Variants in DISP1 observed in about 807,000 individuals in gnomAD.
The protein encoded by DISP1 is protein dispatched homolog 1.
DISP1 carries 30 observed loss-of-function variants against 37.3 expected under a neutral mutation model. The observed-to-expected ratio is 0.80, with a 90% CI of 0.60 to 1.09. DISP1 has a LOEUF of 1.09. Among genes scored for constraint, DISP1 ranks in the 50% least tolerant of loss-of-function variants. The probability of loss-of-function intolerance (pLI) is 0.00; values close to 1 mark genes in which losing one functional copy is unlikely to be tolerated. For missense variants in DISP1, 1,598 were observed against 1,879.5 expected (o/e 0.85, Z 2.77); for synonymous variants, 634 against 690.2 (o/e 0.92, Z 1.28).
At chr1:222,910,925 C>G (rs1032230647) in intron 1 of DISP1, among the ~76,000 whole-genome samples, 2 of 152,132 alleles carry the variant, frequency 1.3e-5, no homozygotes, top group African/African-American at 2.4e-5. Context: ...TATTTTGAAC[C>G]TTTTGGAATC....
intron 1 of DISP1, among the ~76,000 whole-genome samples, chr1:222,851,590 TAGAA>T (rs1171128047): frequency 2.6e-5 from 4 of 152,186 alleles, no homozygotes; most frequent in African/African-American, 4.8e-5. Flanking sequence ...ATCATAGTAT[TAGAA>T]AGGAACTTCA....
At position 222,893,606 on chromosome 1, in the gene DISP1, C is replaced by T. The variant is rs578199688; in HGVS notation, c.-158-34824C>T. Among the ~76,000 whole-genome samples, 29 of 152,344 alleles carry T rather than the reference C, an allele frequency of 1.9e-4. No homozygotes were observed. In the South Asian group the frequency reaches 4.8e-3, roughly 25 times the overall value. ...CCGGCACTGACTCCATGGAAGGCTG[C>T]GGCTTGACCAGATGTACTGCATGCA... is the stretch of plus-strand genomic sequence containing the variant. On this transcript the variant is annotated intron_variant, in intron 1 of 8. Transcript: ENST00000675850. The surrounding 1 kb of genome is among the most constrained non-coding windows in gnomAD (Gnocchi z 4.3).
chr1:222,947,880 G>C lies in DISP1; in HGVS notation c.509+4548G>C, dbSNP rs528602524. Among the ~76,000 whole-genome samples, 4 of 152,276 alleles carry C rather than the reference G, an allele frequency of 2.6e-5. No individual in the cohort carries two copies. The South Asian group carries it at 8.3e-4, about 32-fold the overall frequency. ...TTGTAGATAGGAAGAACACTATAAG[G>C]CTTGTTGCAGTAGTTCAAGTGAGAA... On this transcript the variant is annotated intron_variant, in intron 3 of 8. Coordinates refer to ENST00000675850, the MANE Select transcript of DISP1 (RefSeq NM_001377229.1).
In DISP1 at chr1:222,969,370, C is replaced by CAAAAAAAAAAAAAAAAAAAAAAAAAAAAA. The variant is rs71178518; in HGVS notation, c.510-13693_510-13692insAAAAAAAAAAAAAAAAAAAAAAAAAAAAA. On this transcript the variant is annotated intron_variant, in intron 3 of 8. Transcript: ENST00000675850. ...GGGCAAAAAGAGTGAAACTTGGTCT[C>CAAAAAAAAAAAAAAAAAAAAAAAAAAAAA]AAAAAAAAAAAAAAAAATTACAAAG... 5.7e-4 allele frequency among the ~76,000 whole-genome samples: 17 copies of CAAAAAAAAAAAAAAAAAAAAAAAAAAAAA among 29,862 alleles called. 2 individuals are homozygous for CAAAAAAAAAAAAAAAAAAAAAAAAAAAAA. The highest frequency in any genetic ancestry group is 8.4e-4 in the Non-Finnish European group (13 of 15,494). 19.6% of individuals were successfully genotyped at this position (29,862 alleles called of 152,430 possible).
intron 4 of DISP1, among the ~76,000 whole-genome samples, chr1:222,984,369 AC>A (rs1678065383): frequency 7.1e-6 from 1 of 141,368 alleles, no homozygotes; most frequent in African/African-American, 2.6e-5. Context: ...ACACCACTAC[AC>A]TCAAGCCTGG....
intron 1 of DISP1, among the ~76,000 whole-genome samples, chr1:222,897,935 T>C (rs901308219): frequency 2.8e-4 from 42 of 152,176 alleles, no homozygotes; most frequent in Admixed American, 8.5e-4. Flanking sequence ...ATCTGAATCA[T>C]AGGAATATTT....
chr1:222,981,395 C>T (rs1474028006), intron 3 of DISP1, among the ~76,000 whole-genome samples: 1 of 152,188 alleles, frequency 6.6e-6, no homozygotes, highest in Non-Finnish European at 1.5e-5. Context: ...CTGGTGCTTG[C>T]AACTTCTGAG....
chr1:222,995,268 T>C (rs1678976430), intron 8 of DISP1, among the ~76,000 whole-genome samples: 1 of 152,248 alleles, frequency 6.6e-6, no homozygotes, highest in Non-Finnish European at 1.5e-5. Context: ...CTTTTCAGTA[T>C]AATATTTAAG....
intron 1 of DISP1, among the ~76,000 whole-genome samples, chr1:222,917,440 G>A (rs1021527497): frequency 6.6e-6 from 1 of 152,076 alleles, no homozygotes; most frequent in Non-Finnish European, 1.5e-5. Flanking sequence ...CTGACCAGAC[G>A]AACAAGAAAC....
At chr1:222,851,025 T>C (rs1438800545) in intron 1 of DISP1, among the ~76,000 whole-genome samples, 2 of 151,974 alleles carry the variant, frequency 1.3e-5, no homozygotes, top group African/African-American at 4.8e-5. Flanking sequence ...TACTAACTTC[T>C]GAAATTATAT....
At chr1:222,876,250 G>A (rs1318522855) in intron 1 of DISP1, among the ~76,000 whole-genome samples, 2 of 152,098 alleles carry the variant, frequency 1.3e-5, no homozygotes, top group African/African-American at 4.8e-5. Context: ...GTATGGCTGT[G>A]GTCAGTCATG....
intron 1 of DISP1, among the ~76,000 whole-genome samples, chr1:222,869,309 C>G (rs1669382787): frequency 6.6e-6 from 1 of 152,074 alleles, no homozygotes; most frequent in Admixed American, 6.6e-5. Context: ...TCACATAGCA[C>G]TAACAAAGTT....
rs1008446879 is a variant in DISP1 at position 222,943,420 on chromosome 1, G to A, written c.509+88G>A. 63 of 1,556,178 alleles carry A rather than the reference G, an allele frequency of 4.0e-5. No homozygotes were observed. In the African/African-American group the frequency reaches 6.7e-4, roughly 16 times the overall value. ...TGTTTATTTTCCTGAAAGGAGAGGA[G>A]AAAAATGAGGCACAGAAAGAAAACA... On this transcript the variant is annotated intron_variant, in intron 3 of 8. Coordinates refer to ENST00000675850, the MANE Select transcript of DISP1 (RefSeq NM_001377229.1).
chr1:223,002,822 G>A lies in DISP1; in HGVS notation c.1425G>A (p.Trp475Ter). 1 of 1,613,984 alleles carries A rather than the reference G, an allele frequency of 6.2e-7. No individual in the cohort carries two copies. Among genetic ancestry groups the A allele is most frequent in the Non-Finnish European group, 8.5e-7 (1 of 1,180,020 alleles). Residue 475 changes from tryptophan to a stop codon, truncating the protein, a stop_gained, in exon 9 of 9, where the codon TGG (tryptophan) becomes TGA (stop). Transcript: ENST00000675850. LOFTEE classifies it low-confidence loss of function (END_TRUNC). Reference protein sequence around the residue: ...MNIYLDNFENWNSSDGVTTIT... With the variant: ...MNIYLDNFEN ...TTTACTTGGACAACTTTGAAAACTG[G>A]AACTCTTCTGACGGCGTGACTACCA...
At chr1:222,973,388 C>A (rs1172547349) in intron 3 of DISP1, among the ~76,000 whole-genome samples, 1 of 151,992 alleles carries the variant, frequency 6.6e-6, no homozygotes. Context: ...AATATATTTA[C>A]GTATTTTGTA....
chr1:222,995,560 G>A lies in DISP1; in HGVS notation c.987+578G>A, dbSNP rs551959140. On this transcript the variant is annotated intron_variant, in intron 8 of 8. Coordinates refer to ENST00000675850, the MANE Select transcript of DISP1 (RefSeq NM_001377229.1). ...ACACCTTGCTGCTTCGGGAGACACC[G>A]GGATGCAAGAAGACAGGCGCTTTGT... Among the ~76,000 whole-genome samples the A allele has an allele frequency of 2.6e-5, 4 of 152,288 alleles. No homozygotes were observed. In the East Asian group the frequency reaches 5.8e-4, roughly 22 times the overall value.
At chr1:222,818,155 T>G (rs148857440) in intron 1 of DISP1, among the ~76,000 whole-genome samples, 2 of 149,014 alleles carry the variant, frequency 1.3e-5, no homozygotes, top group African/African-American at 2.5e-5. Context: ...CATGGGGGGG[T>G]GGGGGAAGTT....
At chr1:222,888,814 TTG>T (rs141130475) in intron 1 of DISP1, among the ~76,000 whole-genome samples, 11 of 150,568 alleles carry the variant, frequency 7.3e-5, no homozygotes, top group Non-Finnish European at 8.9e-5. Context: ...GCTTTGTCAG[TTG>T]TGTGTGTGTG....
At chr1:222,983,713 C>A (rs1678012345) in intron 4 of DISP1, among the ~76,000 whole-genome samples, 1 of 152,162 alleles carries the variant, frequency 6.6e-6, no homozygotes, top group African/African-American at 2.4e-5. Flanking sequence ...GAAAGAGATA[C>A]TGTTCTGCCA....
Sources: allele counts gnomAD v4.1 joint callset (sites outside exome capture counted in the v4.1 genomes callset), GRCh38; gene constraint gnomAD v4.1.1; non-coding constraint Gnocchi (gnomAD v3.1); transcripts MANE v1.5; gene names NCBI Gene and HGNC (gene_info 2026-07-23, HGNC 2026-07-21).